Variants in ORC1 observed in about 807,000 individuals in gnomAD.
ORC1 encodes origin recognition complex, subunit 1 homolog.
ORC1 carries 61 observed loss-of-function variants against 98.9 expected under a neutral mutation model. That is an observed-to-expected ratio of 0.62 (90% CI 0.50 to 0.76). The LOEUF is 0.76. Ranked by LOEUF, ORC1 falls within the 30% of genes least tolerant of loss-of-function variation. The probability of loss-of-function intolerance (pLI) is 0.00; values close to 1 mark genes in which losing one functional copy is unlikely to be tolerated. For missense variants in ORC1, 979 were observed against 1,072.2 expected (o/e 0.91, Z 1.21); for synonymous variants, 385 against 406.9 (o/e 0.95, Z 0.65).
intron 14 of ORC1, among the ~76,000 whole-genome samples, chr1:52,378,740 T>G (rs1281472572): frequency 6.6e-6 from 1 of 150,790 alleles, no homozygotes; most frequent in Non-Finnish European, 1.5e-5. Flanking sequence ...AAAATATAAT[T>G]TTGCAAGTTA....
chr1:52,405,219 T>A (rs1218217402), upstream of ORC1, among the ~76,000 whole-genome samples: 1 of 152,248 alleles, frequency 6.6e-6, no homozygotes, highest in East Asian at 1.9e-4. Context: ...GACCTAACGT[T>A]AATATGCCTG....
At chr1:52,395,988 T>A (rs1647373755) in intron 5 of ORC1, 58 bp downstream of exon 5, 1 of 1,610,570 alleles carries the variant, frequency 6.2e-7, no homozygotes, top group African/African-American at 1.3e-5. Context: ...AATTATCATT[T>A]TTATCACATA....
rs750849845 is a variant in ORC1 at position 52,373,404 on chromosome 1, A to G, written c.2392-29T>C. On this transcript the variant is annotated intron_variant, in intron 16 of 16. Coordinates refer to ENST00000371568, the MANE Select transcript of ORC1 (RefSeq NM_004153.4). Reference sequence around the variant, plus strand: ...GACACAAATAGCAAGGCAAAGGTTAAGAGGAAATACAATCCTGGGGCTTTT... The same window carrying G: ...GACACAAATAGCAAGGCAAAGGTTAGGAGGAAATACAATCCTGGGGCTTTT... The G allele has an allele frequency of 1.0e-5, 16 of 1,587,866 alleles. No individual in the cohort carries two copies. In the South Asian group the frequency reaches 1.2e-4, roughly 12 times the overall value.
At chr1:52,407,356 A>G (rs1323399120), upstream of ORC1, among the ~76,000 whole-genome samples, 7 of 152,056 alleles carry the variant, frequency 4.6e-5, no homozygotes, top group Admixed American at 4.6e-4. Flanking sequence ...GAAAATACCT[A>G]ACTTTTGTTA....
At chr1:52,383,706 C>A in intron 12 of ORC1, 124 bp downstream of exon 12, 1 of 1,281,304 alleles carries the variant, frequency 7.8e-7, no homozygotes. Flanking sequence ...ACACACGCCT[C>A]TCAGCACCAG....
chr1:52,384,742 C>G, intron 10 of ORC1, 21 bp from the exon 11 acceptor site: 1 of 1,607,754 alleles, frequency 6.2e-7, no homozygotes, highest in Non-Finnish European at 8.5e-7. Context: ...AGAGGAAAAC[C>G]CGTGGGGTAG....
chr1:52,379,593 G>A (rs1003014596), intron 14 of ORC1, among the ~76,000 whole-genome samples: 1 of 152,058 alleles, frequency 6.6e-6, no homozygotes, highest in Non-Finnish European at 1.5e-5. Context: ...AGTTGAGGAC[G>A]TTAAGAAACT....
intron 6 of ORC1, among the ~76,000 whole-genome samples, chr1:52,391,213 G>A (rs969889123): frequency 4.6e-5 from 7 of 151,052 alleles, no homozygotes; most frequent in African/African-American, 1.7e-4. Flanking sequence ...GGAGGCTGAG[G>A]CAGAAGAATT....
At position 52,396,305 on chromosome 1, in the gene ORC1, G is replaced by C; in HGVS notation, c.462C>G (p.Leu154=). 6.2e-7 allele frequency: 1 copy of C among 1,614,156 alleles called. No homozygotes were observed. The highest frequency in any genetic ancestry group is 1.6e-4 in the Middle Eastern group (1 of 6,062). The change falls in exon 5 of 17, where the codon CTC becomes CTG. Residue 154 remains leucine, a synonymous_variant. Transcript: ENST00000371568. The stretch of plus-strand genomic sequence containing the variant: ...TCTCATTCCAGGATAGTTTCACAAA[G>C]AGTGTCTTCTCATTTTTCAGATTCG... ...VPTNLKNEKT[L]FVKLSWNEKK...
At chr1:52,395,300 A>G (rs949190760) in intron 5 of ORC1, among the ~76,000 whole-genome samples, 13 of 152,192 alleles carry the variant, frequency 8.5e-5, no homozygotes, top group African/African-American at 2.2e-4. Flanking sequence ...ACATATATGT[A>G]TATGTATCTG....
chr1:52,393,993 A>T (rs1569944173), intron 5 of ORC1, among the ~76,000 whole-genome samples, 190 bp from the exon 6 acceptor site: 1 of 152,146 alleles, frequency 6.6e-6, no homozygotes, highest in Non-Finnish European at 1.5e-5. Flanking sequence ...AAATTTTAGG[A>T]GTGATTTTCC....
intron 14 of ORC1, among the ~76,000 whole-genome samples, chr1:52,377,879 T>C (rs1461727254): frequency 6.6e-6 from 1 of 152,148 alleles, no homozygotes; most frequent in African/African-American, 2.4e-5. Flanking sequence ...GCAGAATCAA[T>C]GGTTATCAGA....
intron 12 of ORC1, 54 bp from the exon 13 acceptor site, chr1:52,383,623 C>G (rs957394850): frequency 2.8e-5 from 45 of 1,595,156 alleles, no homozygotes; most frequent in South Asian, 1.8e-4. Context: ...TGAGCTGGTG[C>G]TTCAAAATGA....
chr1:52,382,393 A>G (rs1020545828), intron 13 of ORC1, among the ~76,000 whole-genome samples: 3 of 152,064 alleles, frequency 2.0e-5, no homozygotes, highest in Admixed American at 1.3e-4. Flanking sequence ...GGGTGAGAGG[A>G]TCTTCAGATC....
At chr1:52,408,345 A>G, upstream of ORC1, 2 of 670,474 alleles carry the variant, frequency 3.0e-6, no homozygotes, top group Non-Finnish European at 2.7e-6. Context: ...AAGTTGATCA[A>G]TATGTATGAT....
At chr1:52,382,592 T>C (rs1647086059) in intron 13 of ORC1, among the ~76,000 whole-genome samples, 1 of 150,556 alleles carries the variant, frequency 6.6e-6, no homozygotes, top group Non-Finnish European at 1.5e-5. Flanking sequence ...TTTTTTTTTT[T>C]TTTTGAGACA....
intron 10 of ORC1, 47 bp from the exon 11 acceptor site, chr1:52,384,768 T>C (rs759978391): frequency 6.0e-6 from 9 of 1,501,914 alleles, no homozygotes; most frequent in African/African-American, 5.5e-5. Flanking sequence ...AGCCAGCCAC[T>C]ACACGTTATA....
Position 52,388,526 on chromosome 1 carries a change from C to T in ORC1, c.1299G>A (p.Arg433=). 1.2e-6 allele frequency: 2 copies of T among 1,614,128 alleles called. No individual in the cohort carries two copies. The highest frequency in any genetic ancestry group is 1.7e-6 in the Non-Finnish European group (2 of 1,179,988). Residue 433 remains arginine (R), a synonymous_variant, in exon 8 of 17, where the codon AGG becomes AGA. Transcript: ENST00000371568. ...TCCTGGACACAGTTCTGGGTGCTCT[C>T]CTTGGAAGGGGCGGTGTGGAAGCCT... ...EEEASTPPLP[R]RAPRTVSRNL...
intron 3 of ORC1, among the ~76,000 whole-genome samples, chr1:52,398,959 G>A (rs1317476281): frequency 6.6e-6 from 1 of 152,122 alleles, no homozygotes; most frequent in Non-Finnish European, 1.5e-5. Flanking sequence ...GAAATCAAGT[G>A]ACGGGGGACC....
Sources: allele counts gnomAD v4.1 joint callset (sites outside exome capture counted in the v4.1 genomes callset), GRCh38; gene constraint gnomAD v4.1.1; transcripts MANE v1.5; gene names NCBI Gene and HGNC (gene_info 2026-07-23, HGNC 2026-07-21).